Variants in DLG2 observed in about 807,000 individuals in gnomAD.
DLG2 encodes the protein disks large homolog 2.
A neutral mutation model predicts 132.5 loss-of-function variants in DLG2; 45 were observed. That is an observed-to-expected ratio of 0.34 (90% CI 0.27 to 0.44). The LOEUF is 0.44. DLG2 is among the 20% of genes least tolerant of loss of function. The pLI is 1.00. For missense variants in DLG2, 1,045 were observed against 1,196.9 expected, an observed-to-expected ratio of 0.87 and a Z score of 1.87; for synonymous variants, 424 against 419.6, an observed-to-expected ratio of 1.01 and a Z score of -0.13.
At chr11:85,184,975 G>A (rs1204777604) in intron 4 of DLG2, among the ~76,000 whole-genome samples, 1 of 151,856 alleles carries the variant, frequency 6.6e-6, no homozygotes, top group Non-Finnish European at 1.5e-5. Context: ...TAGAATCCAA[G>A]AGAATATTCT....
chr11:84,670,263 T>C (rs1263733485), intron 6 of DLG2, among the ~76,000 whole-genome samples: 1 of 152,130 alleles, frequency 6.6e-6, no homozygotes, highest in Non-Finnish European at 1.5e-5. Context: ...TCAGAGAGGT[T>C]TGTGAACTCT....
At chr11:83,477,699 T>C (rs2092725066) in intron 22 of DLG2, among the ~76,000 whole-genome samples, 1 of 152,024 alleles carries the variant, frequency 6.6e-6, no homozygotes, top group Admixed American at 6.6e-5. Context: ...AATGGTAAAG[T>C]ATAACAGTGA....
intron 4 of DLG2, among the ~76,000 whole-genome samples, chr11:85,175,792 A>G (rs943138157): frequency 2.0e-5 from 3 of 152,150 alleles, no homozygotes; most frequent in African/African-American, 7.2e-5. Flanking sequence ...AATACGCAAA[A>G]ATCACTAGCA....
At chr11:84,243,054 A>G (rs1280732947) in intron 8 of DLG2, among the ~76,000 whole-genome samples, 2 of 146,436 alleles carry the variant, frequency 1.4e-5, no homozygotes, top group African/African-American at 5.1e-5. Context: ...CTCACATATA[A>G]AGAACCTAGA....
At chr11:84,534,065 G>C (rs1057298530) in intron 7 of DLG2, among the ~76,000 whole-genome samples, 1 of 151,954 alleles carries the variant, frequency 6.6e-6, no homozygotes, top group Non-Finnish European at 1.5e-5. Context: ...AGAAAGTGTT[G>C]GGAAAAGTAT....
intron 3 of DLG2, among the ~76,000 whole-genome samples, chr11:85,409,887 T>G (rs2089157605): frequency 6.6e-6 from 1 of 151,860 alleles, no homozygotes; most frequent in Non-Finnish European, 1.5e-5. Flanking sequence ...TTACTAGATG[T>G]TGGAGCTGCT....
At chr11:83,894,268 A>T (rs1272319701) in intron 15 of DLG2, among the ~76,000 whole-genome samples, 1 of 152,184 alleles carries the variant, frequency 6.6e-6, no homozygotes, top group Admixed American at 6.5e-5. Context: ...TGTTACTAAG[A>T]ATCTTACAGT....
chr11:84,604,688 G>A (rs2099582352), intron 6 of DLG2, among the ~76,000 whole-genome samples: 1 of 151,890 alleles, frequency 6.6e-6, no homozygotes, highest in Admixed American at 6.6e-5. Flanking sequence ...GATGTGACGG[G>A]AAATGACAAG....
At chr11:84,106,871 G>GAC (rs2092968648) in intron 9 of DLG2, among the ~76,000 whole-genome samples, 1 of 145,786 alleles carries the variant, frequency 6.9e-6, no homozygotes, top group African/African-American at 2.6e-5. Context: ...GTATGTGTGA[G>GAC]AGAGAGAGAG....
At chr11:84,131,021 G>C (rs2094400750) in intron 9 of DLG2, among the ~76,000 whole-genome samples, 1 of 151,982 alleles carries the variant, frequency 6.6e-6, no homozygotes, top group Non-Finnish European at 1.5e-5. Flanking sequence ...TTCATAAATA[G>C]ACCAGTATAT....
At chr11:84,440,259 G>A (rs1164840157) in intron 7 of DLG2, among the ~76,000 whole-genome samples, 1 of 152,188 alleles carries the variant, frequency 6.6e-6, no homozygotes, top group African/African-American at 2.4e-5. Flanking sequence ...AAAACACAGT[G>A]CAGTTAGGAC....
intron 18 of DLG2, among the ~76,000 whole-genome samples, chr11:83,703,784 A>C (rs1197667429): frequency 6.6e-6 from 1 of 152,230 alleles, no homozygotes; most frequent in Non-Finnish European, 1.5e-5. Context: ...AAGCTAACCT[A>C]ATACTCATCA....
intron 18 of DLG2, chr11:83,651,546 G>A (rs547940371): frequency 5.8e-6 from 1 of 172,632 alleles, no homozygotes; most frequent in South Asian, 1.4e-4. Flanking sequence ...AGTTAATTTA[G>A]GACAACTTAG....
chr11:84,707,127 T>C (rs2059868270), intron 6 of DLG2, among the ~76,000 whole-genome samples: 1 of 151,628 alleles, frequency 6.6e-6, no homozygotes, highest in South Asian at 2.1e-4. Flanking sequence ...TCTGGCAACA[T>C]CCAAAAATTG....
chr11:85,373,765 C>CT (rs1380577147), intron 3 of DLG2, among the ~76,000 whole-genome samples: 1 of 152,182 alleles, frequency 6.6e-6, no homozygotes, highest in Admixed American at 6.5e-5. Flanking sequence ...TTTAAACCAT[C>CT]TGTGAGCCTA....
At chr11:85,086,497 T>G (rs1209859653) in intron 6 of DLG2, among the ~76,000 whole-genome samples, 1 of 151,910 alleles carries the variant, frequency 6.6e-6, no homozygotes, top group Non-Finnish European at 1.5e-5. Context: ...AAGAAAAAAA[T>G]AAACAATTAA....
At chr11:85,481,468 T>C (rs1340410927) in intron 3 of DLG2, among the ~76,000 whole-genome samples, 1 of 152,078 alleles carries the variant, frequency 6.6e-6, no homozygotes, top group Non-Finnish European at 1.5e-5. Flanking sequence ...CAGCTTTACA[T>C]TACCCATTTC....
At chr11:83,752,492 T>C (rs932865423) in intron 18 of DLG2, among the ~76,000 whole-genome samples, 1 of 152,116 alleles carries the variant, frequency 6.6e-6, no homozygotes, top group African/African-American at 2.4e-5. Context: ...TGGAGAAATA[T>C]GGTGAAAATT....
intron 21 of DLG2, among the ~76,000 whole-genome samples, chr11:83,498,898 A>G (rs1474312611): frequency 2.0e-5 from 3 of 152,070 alleles, no homozygotes; most frequent in African/African-American, 7.2e-5. Flanking sequence ...CCTTACACAA[A>G]TAAGATTTAA....
Sources: gnomAD v4.1 joint callset for allele counts (sites outside exome capture counted in the v4.1 genomes callset) on GRCh38, gnomAD v4.1.1 for gene constraint, MANE v1.5 for transcripts, NCBI Gene and HGNC (gene_info 2026-07-23, HGNC 2026-07-21) for gene names.